The following CD226 variants were observed in gnomAD, a reference collection of about 807,000 sequenced individuals.
The protein encoded by CD226 is CD226 antigen.
CD226 carries 24 observed loss-of-function variants against 34.9 expected under a neutral mutation model. The ratio of observed to expected loss-of-function variants is 0.69; its 90% CI spans 0.50 to 0.97. The LOEUF (loss-of-function observed/expected upper bound fraction) is 0.97, where lower values mean the gene tolerates loss of function less well. Among genes scored for constraint, CD226 ranks in the 50% least tolerant of loss-of-function variants. The pLI is 0.00. For synonymous variants in CD226, 148 were observed against 147.4 expected (o/e 1.00, Z -0.03); for missense variants, 397 against 412.7 (o/e 0.96, Z 0.33).
upstream of CD226, among the ~76,000 whole-genome samples, chr18:69,960,323 C>A (rs942016676): frequency 3.3e-5 from 5 of 151,796 alleles, no homozygotes; most frequent in African/African-American, 1.2e-4. Context: ...CACTACGAGA[C>A]CACAAGGAAG....
In CD226 at chr18:69,864,022, CACA is replaced by C. The variant is rs1025856718; in HGVS notation, c.*289_*291del. 40 of 235,588 alleles carry C rather than the reference CACA, an allele frequency of 1.7e-4. No homozygotes were observed. Among genetic ancestry groups the C allele is most frequent in the African/African-American group, 8.1e-4 (36 of 44,248 alleles). 14.6% of individuals were successfully genotyped at this position (235,588 alleles called of 1,614,324 possible). A position where few individuals can be genotyped will look rare whatever the true frequency, so the allele number is the denominator to read the frequency against. On this transcript the variant is annotated 3_prime_UTR_variant, in exon 6 of 6. Transcript: ENST00000582621. ...GTTTATGCCCATACTTAATTCTAGA[CACA>C]ACATTTAAGCCCTGGTAAATAGCCC...
intron 3 of CD226, among the ~76,000 whole-genome samples, chr18:69,873,740 G>C (rs557045611): frequency 6.6e-6 from 1 of 152,062 alleles, no homozygotes; most frequent in Admixed American, 6.5e-5. Context: ...GTGTGGTGGT[G>C]CATGCCTATA....
At chr18:69,879,015 G>C (rs1350263105) in intron 3 of CD226, among the ~76,000 whole-genome samples, 1 of 152,136 alleles carries the variant, frequency 6.6e-6, no homozygotes, top group African/African-American at 2.4e-5. Context: ...TGCCTCCTGA[G>C]CCGTAAAACC....
chr18:69,917,013 A>T (rs1432259848), intron 2 of CD226, among the ~76,000 whole-genome samples: 1 of 151,980 alleles, frequency 6.6e-6, no homozygotes, highest in Non-Finnish European at 1.5e-5. Flanking sequence ...CCTCCTCCTT[A>T]ATAGCCTTAC....
chr18:69,959,743 G>A (rs1167146467), upstream of CD226, among the ~76,000 whole-genome samples: 1 of 152,194 alleles, frequency 6.6e-6, no homozygotes, highest in Non-Finnish European at 1.5e-5. Context: ...AAGGTTAATG[G>A]GGAACCCTAT....
At chr18:69,907,468 C>T (rs1418671966) in intron 2 of CD226, among the ~76,000 whole-genome samples, 1 of 152,144 alleles carries the variant, frequency 6.6e-6, no homozygotes, top group African/African-American at 2.4e-5. Flanking sequence ...CCACCATGCC[C>T]AGCTAAATTT....
intron 1 of CD226, among the ~76,000 whole-genome samples, chr18:69,955,369 C>T (rs1232136160): frequency 2.6e-5 from 4 of 152,204 alleles, no homozygotes; most frequent in African/African-American, 7.2e-5. Context: ...TGATACCTTT[C>T]GACACTTGCT....
At chr18:69,896,403 A>G (rs531031869) in intron 2 of CD226, among the ~76,000 whole-genome samples, 41 of 152,206 alleles carry the variant, frequency 2.7e-4, no homozygotes, top group African/African-American at 6.5e-4. Context: ...GGATGGTCTC[A>G]ATCTCCTGAC....
upstream of CD226, among the ~76,000 whole-genome samples, chr18:69,960,910 C>G (rs2055926717): frequency 6.6e-6 from 1 of 152,054 alleles, no homozygotes; most frequent in Admixed American, 6.5e-5. Context: ...CAAGGATGGC[C>G]ACAATCACTG....
At chr18:69,957,679 A>G (rs2055908622), upstream of CD226, among the ~76,000 whole-genome samples, 2 of 152,174 alleles carry the variant, frequency 1.3e-5, no homozygotes, top group Non-Finnish European at 1.5e-5. Context: ...TCGCAGGTAC[A>G]GGACTGGTCT....
intron 3 of CD226, among the ~76,000 whole-genome samples, chr18:69,885,091 C>T (rs1294084947): frequency 2.0e-5 from 3 of 152,276 alleles, no homozygotes; most frequent in African/African-American, 7.2e-5. Flanking sequence ...CTCTACATTA[C>T]AGTGCTACCA....
chr18:69,892,276 AAAC>A (rs1984949084), intron 3 of CD226, among the ~76,000 whole-genome samples: 1 of 152,228 alleles, frequency 6.6e-6, no homozygotes, highest in South Asian at 2.1e-4. Context: ...AGGTCAGTTT[AAAC>A]AATAGTAGTC....
Position 69,864,029 on chromosome 18 carries a change from T to C in CD226, c.*285A>G, listed in dbSNP as rs1982976686. On this transcript the variant is annotated 3_prime_UTR_variant, in exon 6 of 6. Transcript: ENST00000582621. ...CCCATACTTAATTCTAGACACAACA[T>C]TTAAGCCCTGGTAAATAGCCCTTGC... The C allele has an allele frequency of 1.6e-5, 4 of 256,410 alleles. No individual in the cohort carries two copies. The highest frequency in any genetic ancestry group is 5.1e-5 in the Admixed American group (1 of 19,582). 15.9% of individuals were successfully genotyped at this position (256,410 alleles called of 1,614,324 possible).
intron 2 of CD226, among the ~76,000 whole-genome samples, chr18:69,918,663 A>G (rs900148417): frequency 1.3e-5 from 2 of 152,214 alleles, no homozygotes; most frequent in Admixed American, 6.5e-5. Flanking sequence ...AAGCCATAAA[A>G]CTAAACAGAT....
chr18:69,912,064 A>T (rs1329101845), intron 2 of CD226, among the ~76,000 whole-genome samples: 1 of 152,210 alleles, frequency 6.6e-6, no homozygotes, highest in African/African-American at 2.4e-5. Flanking sequence ...GGTTTGTTAC[A>T]TATGTATGGT....
At chr18:69,948,470 C>G (rs1469384121), upstream of CD226, among the ~76,000 whole-genome samples, 1 of 152,176 alleles carries the variant, frequency 6.6e-6, no homozygotes, top group East Asian at 1.9e-4. Flanking sequence ...CTAATGCCGA[C>G]CCTGAACTTT....
chr18:69,884,584 T>C (rs1984453679), intron 3 of CD226, among the ~76,000 whole-genome samples: 1 of 152,198 alleles, frequency 6.6e-6, no homozygotes. Context: ...CCCTTTGAAA[T>C]GTAACCATCA....
chr18:69,943,318 A>G (rs1247463143), intron 2 of CD226, among the ~76,000 whole-genome samples: 1 of 152,240 alleles, frequency 6.6e-6, no homozygotes, highest in African/African-American at 2.4e-5. Flanking sequence ...CGTAGGTGAC[A>G]GTAGTTTTCT....
intron 2 of CD226, among the ~76,000 whole-genome samples, chr18:69,937,075 T>G (rs1030180916): frequency 6.6e-6 from 1 of 152,218 alleles, no homozygotes; most frequent in East Asian, 1.9e-4. Flanking sequence ...GAAATGAAAG[T>G]GTGCAAATAC....
Sources: allele counts gnomAD v4.1 joint callset (sites outside exome capture counted in the v4.1 genomes callset), GRCh38; gene constraint gnomAD v4.1.1; transcripts MANE v1.5; gene names NCBI Gene and HGNC (gene_info 2026-07-23, HGNC 2026-07-21).